The following PIGU variants were observed in gnomAD, a reference collection of about 807,000 sequenced individuals.
The protein encoded by PIGU is GPI-anchor transamidase component PIGU.
A neutral mutation model predicts 49.9 loss-of-function variants in PIGU; 24 were observed. The observed-to-expected ratio is 0.48, with a 90% CI of 0.35 to 0.68. The LOEUF is 0.68. Ranked by LOEUF, PIGU falls within the 30% of genes least tolerant of loss-of-function variation. PIGU has a pLI of 0.01. For synonymous variants in PIGU, 220 were observed against 205.7 expected (o/e 1.07, Z -0.59); for missense variants, 490 against 532.6 (o/e 0.92, Z 0.79).
chr20:34,616,800 AAT>A (rs1171714852), intron 6 of PIGU, among the ~76,000 whole-genome samples: 2 of 152,206 alleles, frequency 1.3e-5, no homozygotes, highest in Non-Finnish European at 2.9e-5. Flanking sequence ...ATAAAAAAAA[AAT>A]GCACAAACAT....
chr20:34,619,742 G>C (rs1007449090), intron 6 of PIGU, among the ~76,000 whole-genome samples: 2 of 152,316 alleles, frequency 1.3e-5, no homozygotes, highest in Admixed American at 1.3e-4. Flanking sequence ...GAGGCTCACA[G>C]CCTAGCCAAA....
intron 7 of PIGU, among the ~76,000 whole-genome samples, chr20:34,609,022 C>G (rs1984716132): frequency 6.6e-6 from 1 of 152,084 alleles, no homozygotes; most frequent in African/African-American, 2.4e-5. Context: ...GTGGCTCAGC[C>G]TAATCCCAGC....
In PIGU at chr20:34,658,726, C is replaced by G. The variant is rs1409100950; in HGVS notation, c.131-1482G>C. Among the ~76,000 whole-genome samples the G allele has an allele frequency of 1.3e-5, 2 of 151,804 alleles. 1 individual carries two copies. The highest frequency in any genetic ancestry group is 4.2e-4 in the South Asian group (2 of 4,802). On this transcript the variant is annotated intron_variant, in intron 1 of 11. Transcript: ENST00000217446. ...GAGACCCTCTGCCTGACAACCGCCC[C>G]GTCTGAGAAGTGAGGAGCCCCTCCG... is the stretch of plus-strand genomic sequence containing the variant.
intron 9 of PIGU, among the ~76,000 whole-genome samples, chr20:34,583,471 G>A (rs1983567933): frequency 6.6e-6 from 1 of 152,234 alleles, no homozygotes; most frequent in Non-Finnish European, 1.5e-5. Flanking sequence ...AGGCAGAAGA[G>A]AAGACAGCAG....
intron 6 of PIGU, among the ~76,000 whole-genome samples, chr20:34,629,753 C>T (rs969510335): frequency 6.6e-6 from 1 of 152,010 alleles, no homozygotes; most frequent in African/African-American, 2.4e-5. Flanking sequence ...AATATATAAC[C>T]CAAATGCTTA....
At chr20:34,665,011 T>C (rs1246842851) in intron 1 of PIGU, among the ~76,000 whole-genome samples, 1 of 151,634 alleles carries the variant, frequency 6.6e-6, no homozygotes, top group Non-Finnish European at 1.5e-5. Context: ...AGGAAGAACA[T>C]AAACTCAGAA....
At chr20:34,572,842 T>TAAAC (rs765739839) in intron 11 of PIGU, among the ~76,000 whole-genome samples, 1 of 152,070 alleles carries the variant, frequency 6.6e-6, no homozygotes, top group Non-Finnish European at 1.5e-5. Flanking sequence ...TTTACCTACA[T>TAAAC]AAACAAACAA....
chr20:34,572,163 T>C (rs1983039181), intron 11 of PIGU, among the ~76,000 whole-genome samples: 1 of 152,152 alleles, frequency 6.6e-6, no homozygotes, highest in Admixed American at 6.5e-5. Context: ...TATGCAAGGC[T>C]CTTCCATTTT....
intron 7 of PIGU, among the ~76,000 whole-genome samples, chr20:34,615,071 T>C (rs1984956359): frequency 6.6e-6 from 1 of 152,230 alleles, no homozygotes; most frequent in South Asian, 2.1e-4. Flanking sequence ...AGCAATGTCA[T>C]TCGCTGGTCC....
intron 7 of PIGU, among the ~76,000 whole-genome samples, chr20:34,611,415 G>T (rs562904606): frequency 5.3e-5 from 8 of 152,210 alleles, no homozygotes; most frequent in Admixed American, 4.6e-4. Flanking sequence ...GGGAGGCTGA[G>T]GCAGGCAGAT....
At chr20:34,657,404 A>G (rs559253494) in intron 1 of PIGU, among the ~76,000 whole-genome samples, 160 bp from the exon 2 acceptor site, 2 of 152,300 alleles carry the variant, frequency 1.3e-5, no homozygotes, top group South Asian at 2.1e-4. Context: ...TGATGACGGG[A>G]AACTCTCTTT....
At chr20:34,636,400 C>T (rs946660782) in intron 5 of PIGU, among the ~76,000 whole-genome samples, 2 of 151,776 alleles carry the variant, frequency 1.3e-5, no homozygotes, top group African/African-American at 4.8e-5. Context: ...AAAAAATATC[C>T]AGGCGTGGTG....
intron 11 of PIGU, among the ~76,000 whole-genome samples, chr20:34,563,785 G>C (rs1464638878): frequency 6.6e-6 from 1 of 152,146 alleles, no homozygotes; most frequent in African/African-American, 2.4e-5. Context: ...AGCAGGGAAA[G>C]GGAAAAGAGT....
At chr20:34,658,970 G>A (rs1169712484) in intron 1 of PIGU, among the ~76,000 whole-genome samples, 1 of 141,420 alleles carries the variant, frequency 7.1e-6, no homozygotes, top group Non-Finnish European at 1.5e-5. Context: ...CCCCCGCCCA[G>A]CCAGCCGCCC....
intron 1 of PIGU, among the ~76,000 whole-genome samples, chr20:34,674,730 C>G (rs541827558): frequency 2.6e-5 from 4 of 152,018 alleles, no homozygotes; most frequent in Admixed American, 6.6e-5. Flanking sequence ...AGTTTGAGAC[C>G]AGCCTAAGCA....
In PIGU at chr20:34,585,574, A is replaced by G. The variant is rs1049349730; in HGVS notation, c.789T>C (p.Ser263=). Residue 263 remains serine (S), a synonymous_variant, in exon 9 of 12, where the codon TCT becomes TCC. Coordinates refer to ENST00000217446, the MANE Select transcript of PIGU (RefSeq NM_080476.5). ...CAATGTTTGGAGTGAGATCTGGAAC[A>G]GAAAGTCTGGAATTAAGAAAACAAA... The part of the protein sequence containing the change: ...FIPAVYGFIL[S]VPDLTPNIGL... The G allele has an allele frequency of 6.2e-7, 1 of 1,613,020 alleles. No individual in the cohort carries two copies. The highest frequency in any genetic ancestry group is 8.5e-7 in the Non-Finnish European group (1 of 1,179,478).
intron 1 of PIGU, among the ~76,000 whole-genome samples, chr20:34,675,125 G>A (rs1334751379): frequency 6.6e-6 from 1 of 151,598 alleles, no homozygotes; most frequent in Non-Finnish European, 1.5e-5. Context: ...GTGCATGCCT[G>A]TAATCCCAGC....
intron 3 of PIGU, 31 bp from the exon 4 acceptor site, chr20:34,644,257 G>A: frequency 7.1e-6 from 11 of 1,549,486 alleles, no homozygotes; most frequent in Non-Finnish European, 9.8e-6. Context: ...AATAGGAAAT[G>A]GAACACAGTA....
intron 7 of PIGU, 84 bp from the exon 8 acceptor site, chr20:34,588,691 C>T: frequency 7.7e-7 from 1 of 1,291,710 alleles, no homozygotes. Context: ...ATCCCTCCCG[C>T]AAAACCATAC....
Sources: gnomAD v4.1 joint callset for allele counts (sites outside exome capture counted in the v4.1 genomes callset) on GRCh38, gnomAD v4.1.1 for gene constraint, MANE v1.5 for transcripts, NCBI Gene and HGNC (gene_info 2026-07-23, HGNC 2026-07-21) for gene names.